Variants in ZBED6 observed in about 807,000 individuals in gnomAD.
The protein encoded by ZBED6 is zinc finger BED domain-containing protein 6.
Under a neutral mutation model 58.4 loss-of-function variants are expected in ZBED6, and 40 were observed. The ratio of observed to expected loss-of-function variants is 0.68; its 90% CI spans 0.53 to 0.89. The LOEUF (loss-of-function observed/expected upper bound fraction) is 0.89, where lower values mean the gene tolerates loss of function less well. ZBED6 is among the 40% of genes least tolerant of loss of function. The pLI is 0.00. For synonymous variants in ZBED6, 439 were observed against 350.6 expected, an observed-to-expected ratio of 1.25 and a Z score of -2.82; for missense variants, 1,057 against 1,003.9, an observed-to-expected ratio of 1.05 and a Z score of -0.71.
chr1:203,847,748 C>G, intron 12 of ZBED6, 61 bp downstream of exon 12: 1 of 1,557,468 alleles, frequency 6.4e-7, no homozygotes, highest in Non-Finnish European at 8.6e-7. Context: ...AGGAGTGTTC[C>G]GTGGGATCTT....
chr1:203,840,969 A>C (rs1685937698), intron 11 of ZBED6, among the ~76,000 whole-genome samples: 1 of 152,256 alleles, frequency 6.6e-6, no homozygotes, highest in East Asian at 1.9e-4. Flanking sequence ...TAAATATACA[A>C]TAAAAAGGGT....
chr1:203,852,096 T>C, intron 16 of ZBED6, 45 bp from the exon 17 acceptor site: 1 of 1,601,044 alleles, frequency 6.2e-7, no homozygotes, highest in Non-Finnish European at 8.5e-7. Flanking sequence ...TTCAGCCAAC[T>C]ATTTTTAAAA....
At chr1:203,804,656 T>G (rs1671644334) in intron 1 of ZBED6, among the ~76,000 whole-genome samples, 1 of 151,234 alleles carries the variant, frequency 6.6e-6, no homozygotes, top group Non-Finnish European at 1.5e-5. Flanking sequence ...TTCTGGATTT[T>G]TTTCTTTTTT....
chr1:203,840,189 T>G, intron 10 of ZBED6, 117 bp from the exon 11 acceptor site: 1 of 937,894 alleles, frequency 1.1e-6, no homozygotes, highest in Non-Finnish European at 1.6e-6. Flanking sequence ...TCAGCCTGCC[T>G]TGGCCTCCCA....
At chr1:203,798,621 G>T (rs1425355656) in exon 1 of ZBED6, 1 of 1,536,038 alleles carries the variant, frequency 6.5e-7, no homozygotes, top group East Asian at 2.4e-5. Context: ...TAGTGACTCT[G>T]ATTCAGATGA....
At position 203,833,863 on chromosome 1, in the gene ZBED6, GT is replaced by G; in HGVS notation, c.*3573+14del. 6.2e-7 allele frequency: 1 copy of G among 1,607,052 alleles called. No individual in the cohort carries two copies. On this transcript the variant is annotated intron_variant, in intron 9 of 16. Transcript: ENST00000550078. ...CGAAAATTTTCAGCAGGTAAGATAA[GT>G]TTTGTGTATATCTTTTCTTTTCTAC...
chr1:203,814,395 A>G (rs954309965), intron 1 of ZBED6, among the ~76,000 whole-genome samples: 3 of 152,160 alleles, frequency 2.0e-5, no homozygotes, highest in African/African-American at 7.2e-5. Flanking sequence ...GTGGTGGTGC[A>G]AGCCTGTAAT....
chr1:203,813,857 A>G (rs1483223631), intron 1 of ZBED6, among the ~76,000 whole-genome samples: 1 of 151,876 alleles, frequency 6.6e-6, no homozygotes, highest in African/African-American at 2.4e-5. Flanking sequence ...TGTCTCTTTC[A>G]TTTTAAGCTG....
intron 1 of ZBED6, among the ~76,000 whole-genome samples, chr1:203,810,151 T>A (rs1361747902): frequency 6.6e-6 from 1 of 151,046 alleles, no homozygotes; most frequent in Non-Finnish European, 1.5e-5. Context: ...TGTTTTTTGT[T>A]TTTTTTTTAA....
intron 1 of ZBED6, among the ~76,000 whole-genome samples, chr1:203,803,247 A>C (rs1395966890): frequency 6.6e-6 from 1 of 151,862 alleles, no homozygotes; most frequent in Non-Finnish European, 1.5e-5. Context: ...GCTGGAGTGC[A>C]ATGGTGCCAT....
exon 3 of ZBED6, chr1:203,818,673 G>A (rs779941336): frequency 1.2e-6 from 2 of 1,614,064 alleles, no homozygotes; most frequent in African/African-American, 1.3e-5. Flanking sequence ...TGCAGGTTTC[G>A]GCACATGGAG....
intron 10 of ZBED6, among the ~76,000 whole-genome samples, chr1:203,839,580 T>G (rs1685450577): frequency 6.6e-6 from 1 of 152,202 alleles, no homozygotes; most frequent in Non-Finnish European, 1.5e-5. Context: ...TTTCTTGCAT[T>G]CTCAGAGCAA....
intron 11 of ZBED6, among the ~76,000 whole-genome samples, chr1:203,842,418 G>A (rs982863462): frequency 3.3e-5 from 5 of 152,126 alleles, no homozygotes; most frequent in Admixed American, 6.5e-5. Context: ...CCAACACGGC[G>A]AAACCCCGTC....
intron 9 of ZBED6, among the ~76,000 whole-genome samples, chr1:203,834,963 A>T (rs933978475): frequency 2.6e-5 from 4 of 152,108 alleles, no homozygotes; most frequent in Middle Eastern, 3.2e-3. Flanking sequence ...TATTTTGAAA[A>T]TTTTTTCTGA....
chr1:203,805,055 C>G (rs1042950684), intron 1 of ZBED6, among the ~76,000 whole-genome samples: 5 of 151,526 alleles, frequency 3.3e-5, no homozygotes, highest in African/African-American at 1.2e-4. Flanking sequence ...TCCTATTCAT[C>G]AAATATCAAG....
At chr1:203,809,138 C>A (rs1373505655) in intron 1 of ZBED6, among the ~76,000 whole-genome samples, 1 of 124,168 alleles carries the variant, frequency 8.1e-6, no homozygotes, top group Admixed American at 8.1e-5. Flanking sequence ...CCTGAGTTTT[C>A]TTATTATTTT....
chr1:203,843,234 G>A (rs1686969238), intron 11 of ZBED6, among the ~76,000 whole-genome samples: 1 of 152,026 alleles, frequency 6.6e-6, no homozygotes, highest in African/African-American at 2.4e-5. Context: ...CAGTATTTAT[G>A]ATAATCAGTA....
intron 3 of ZBED6, among the ~76,000 whole-genome samples, chr1:203,827,698 TA>T (rs1681027633): frequency 1.3e-5 from 2 of 149,772 alleles, no homozygotes; most frequent in Admixed American, 1.3e-4. Flanking sequence ...AAAAAAAAAG[TA>T]AGGTGACTTG....
At chr1:203,800,310 A>G (rs1302852449) in exon 1 of ZBED6, 1 of 897,548 alleles carries the variant, frequency 1.1e-6, no homozygotes, top group Non-Finnish European at 1.8e-6. Flanking sequence ...TCCAAAACAG[A>G]TCATGAGCCT....
Sources: allele counts gnomAD v4.1 joint callset (sites outside exome capture counted in the v4.1 genomes callset), GRCh38; gene constraint gnomAD v4.1.1; transcripts MANE v1.5; gene names NCBI Gene and HGNC (gene_info 2026-07-23, HGNC 2026-07-21).